Variants in VPS35L observed in about 807,000 individuals in gnomAD.
VPS35L encodes VPS35 endosomal protein-sorting factor-like.
VPS35L carries 83 observed loss-of-function variants against 133.0 expected under a neutral mutation model. The ratio of observed to expected loss-of-function variants is 0.62; its 90% confidence interval spans 0.52 to 0.75. The LOEUF is 0.75. Among genes scored for constraint, VPS35L ranks in the 30% least tolerant of loss-of-function variants. VPS35L has a pLI of 0.00. For synonymous variants in VPS35L, 423 were observed against 449.9 expected (o/e 0.94, Z 0.76); for missense variants, 1,083 against 1,206.8 (o/e 0.90, Z 1.52).
intron 2 of VPS35L, 77 bp downstream of exon 2, chr16:19,565,027 G>T: frequency 5.2e-6 from 6 of 1,142,972 alleles, no homozygotes; most frequent in East Asian, 2.6e-5. Context: ...AGTCTTTTCC[G>T]TTTTGCCAGT....
intron 28 of VPS35L, among the ~76,000 whole-genome samples, chr16:19,689,803 G>A (rs1291468525): frequency 2.0e-5 from 3 of 152,132 alleles, no homozygotes; most frequent in Admixed American, 2.0e-4. Flanking sequence ...AATATATATA[G>A]GATTCAATAC....
Position 19,608,279 on chromosome 16 carries a change from C to CT in VPS35L, c.881+5_881+6insT. On this transcript the variant is annotated splice_donor_region_variant and intron_variant, in intron 10 of 30. Transcript: ENST00000417362. Reference sequence around the variant, plus strand: ...CAGGGAACTCATTCCAAGATTGTATCCTTTTTTTTTTTTTTGGTCTGATGA... The same window carrying CT: ...CAGGGAACTCATTCCAAGATTGTATCTCTTTTTTTTTTTTTTGGTCTGATGA... The CT allele has an allele frequency of 6.7e-7, 1 of 1,495,616 alleles. No homozygotes were observed. The highest frequency in any genetic ancestry group is 9.1e-7 in the Non-Finnish European group (1 of 1,104,578). The allele number at this position is 1,495,616 out of a possible 1,614,324, so 92.6% of individuals were successfully genotyped here. A position where few individuals can be genotyped will look rare whatever the true frequency, so the allele number is the denominator to read the frequency against.
At chr16:19,659,963 A>AACCCTGCTTTACTAAT (rs1974425224) in intron 26 of VPS35L, among the ~76,000 whole-genome samples, 1 of 152,200 alleles carries the variant, frequency 6.6e-6, no homozygotes, top group Admixed American at 6.5e-5. Flanking sequence ...TTATAGCCAG[A>AACCCTGCTTTACTAAT]ACCCTGCTTT....
chr16:19,599,475 A>G (rs1398554188), intron 8 of VPS35L, among the ~76,000 whole-genome samples: 1 of 152,118 alleles, frequency 6.6e-6, no homozygotes, highest in Non-Finnish European at 1.5e-5. Context: ...TTCAGCATGT[A>G]TAAGGATTTC....
At chr16:19,672,155 A>C (rs748483941) in intron 27 of VPS35L, among the ~76,000 whole-genome samples, 5 of 151,792 alleles carry the variant, frequency 3.3e-5, no homozygotes, top group Non-Finnish European at 7.4e-5. Context: ...TTCTCACTAC[A>C]TTTCCCAGGC....
intron 8 of VPS35L, among the ~76,000 whole-genome samples, chr16:19,592,229 C>T (rs990783458): frequency 7.9e-5 from 12 of 151,158 alleles, no homozygotes; most frequent in East Asian, 3.9e-4. Flanking sequence ...CTCATGCCAC[C>T]GTGCCCAGCT....
intron 14 of VPS35L, among the ~76,000 whole-genome samples, chr16:19,619,290 T>C (rs1227646781): frequency 6.6e-6 from 1 of 152,136 alleles, no homozygotes; most frequent in Non-Finnish European, 1.5e-5. Flanking sequence ...TTTTACTTTT[T>C]GAGATTCTAA....
Position 19,655,474 on chromosome 16 carries a change from G to A in VPS35L, c.2221+3384G>A, listed in dbSNP as rs911451930. The stretch of plus-strand genomic sequence containing the variant: ...TTGCAGCTGGTTATAAAATGTCCCC[G>A]TCCCTCCAGTTCATTTTGTTGCCTC... On this transcript the variant is annotated intron_variant, in intron 26 of 30. Coordinates refer to ENST00000417362, the MANE Select transcript of VPS35L (RefSeq NM_020314.7). Among the ~76,000 whole-genome samples the A allele has an allele frequency of 1.1e-4, 17 of 152,128 alleles. 1 individual carries two copies. Among genetic ancestry groups the A allele is most frequent in the Non-Finnish European group, 1.9e-4 (13 of 68,014 alleles).
chr16:19,600,924 G>T (rs991288906), intron 8 of VPS35L, among the ~76,000 whole-genome samples: 2 of 152,064 alleles, frequency 1.3e-5, no homozygotes, highest in African/African-American at 4.8e-5. Flanking sequence ...CCAAGTTGTA[G>T]AGTTTGTTTT....
intron 27 of VPS35L, among the ~76,000 whole-genome samples, chr16:19,680,813 G>A (rs1975244882): frequency 6.6e-6 from 1 of 152,128 alleles, no homozygotes; most frequent in African/African-American, 2.4e-5. Flanking sequence ...AGGAGGCTGA[G>A]GTGGAAGATC....
intron 14 of VPS35L, among the ~76,000 whole-genome samples, chr16:19,623,766 T>TTTATTATTATTA (rs199933640): frequency 1.6e-5 from 2 of 126,852 alleles, no homozygotes; most frequent in Non-Finnish European, 3.2e-5. Flanking sequence ...TACTTATTTA[T>TTTATTATTATTA]TTATTATTAT....
chr16:19,669,196 C>T lies in VPS35L; in HGVS notation c.2258C>T (p.Pro753Leu), dbSNP rs149898838. 1.6e-3 allele frequency: 2,607 copies of T among 1,611,688 alleles called. 8 individuals are homozygous for T. The highest frequency in any genetic ancestry group is 1.7e-3 in the Non-Finnish European group (1,964 of 1,178,218). The change falls in exon 27 of 31, where the codon CCG (proline) becomes CTG (leucine). Residue 753 changes from proline (P) to leucine (L), a missense_variant. Pro to Leu is a moderately conservative substitution (Grantham distance 98, BLOSUM62 -3). Transcript: ENST00000417362. ...TTCAAAGCCGCTATAAGCCTTGTTC[C>T]GGAAGTTCCAAAGATGATTAATATT... ...AFFKAAISLV[P>L]EVPKMINIDG... is the part of the protein sequence containing the mutation.
intron 10 of VPS35L, chr16:19,608,584 G>A: frequency 2.6e-6 from 1 of 385,754 alleles, no homozygotes. Context: ...CTGATTCCAA[G>A]AACTTGAAAG....
intron 14 of VPS35L, among the ~76,000 whole-genome samples, chr16:19,623,097 C>T (rs35159009): frequency 0.3 from 46,060 of 151,962 alleles, 7,136 homozygotes; most frequent in Middle Eastern, 0.4. Flanking sequence ...CAAATCCCCC[C>T]GAAGACTTCC....
chr16:19,583,645 A>G (rs1318642023), intron 7 of VPS35L, among the ~76,000 whole-genome samples: 1 of 151,494 alleles, frequency 6.6e-6, no homozygotes, highest in South Asian at 2.1e-4. Flanking sequence ...TTGCGTGAAC[A>G]TGGGAGGTGG....
rs939712046 is a variant in VPS35L at position 19,623,758 on chromosome 16, C to T, written c.1225-2419C>T. On this transcript the variant is annotated intron_variant, in intron 14 of 30. Coordinates refer to ENST00000417362, the MANE Select transcript of VPS35L (RefSeq NM_020314.7). ...TTTTTTCTTTATTTTTTACTTTTTACTTATTTATTTATTATTATTATTATT... is the reference window on the plus strand; with the variant it reads ...TTTTTTCTTTATTTTTTACTTTTTATTTATTTATTTATTATTATTATTATT... Among the ~76,000 whole-genome samples the T allele has an allele frequency of 1.2e-4, 17 of 140,238 alleles. No homozygotes were observed. In the East Asian group the frequency reaches 3.5e-3, roughly 29 times the overall value. 92.0% of individuals were successfully genotyped at this position (140,238 alleles called of 152,430 possible).
intron 19 of VPS35L, among the ~76,000 whole-genome samples, chr16:19,637,054 T>A (rs1356287413): frequency 6.6e-6 from 1 of 152,264 alleles, no homozygotes; most frequent in Non-Finnish European, 1.5e-5. Flanking sequence ...GCCTGCCACT[T>A]GTTTTTGTGA....
At chr16:19,649,316 A>G (rs1974053355) in intron 24 of VPS35L, among the ~76,000 whole-genome samples, 1 of 152,192 alleles carries the variant, frequency 6.6e-6, no homozygotes, top group Admixed American at 6.5e-5. Flanking sequence ...ATAATTAGTA[A>G]TGATGGGTGT....
chr16:19,692,326 G>A (rs981105914), intron 29 of VPS35L, among the ~76,000 whole-genome samples: 15 of 152,304 alleles, frequency 9.8e-5, no homozygotes, highest in African/African-American at 2.4e-4. Flanking sequence ...CCCTGATAGC[G>A]TGGGATTGCT....
Sources: gnomAD v4.1 joint callset for allele counts (sites outside exome capture counted in the v4.1 genomes callset) on GRCh38, gnomAD v4.1.1 for gene constraint, MANE v1.5 for transcripts, NCBI Gene and HGNC (gene_info 2026-07-23, HGNC 2026-07-21) for gene names.